Variants in SYTL2 observed in about 807,000 individuals in gnomAD.
The protein encoded by SYTL2 is synaptotagmin-like protein 2.
Under a neutral mutation model 198.7 loss-of-function variants are expected in SYTL2, and 165 were observed. The ratio of observed to expected loss-of-function variants is 0.83; its 90% confidence interval spans 0.73 to 0.94. The LOEUF (loss-of-function observed/expected upper bound fraction) is 0.94. Among genes scored for constraint, SYTL2 ranks in the 40% least tolerant of loss-of-function variants. The probability of loss-of-function intolerance (pLI) is 0.00; values close to 1 mark genes in which losing one functional copy is unlikely to be tolerated. For synonymous variants in SYTL2, 966 were observed against 917.7 expected, an observed-to-expected ratio of 1.05 and a Z score of -0.95; for missense variants, 2,835 against 2,582.8, an observed-to-expected ratio of 1.10 and a Z score of -2.12.
chr11:85,717,832 C>T, intron 10 of SYTL2: 1 of 428,052 alleles, frequency 2.3e-6, no homozygotes, highest in Non-Finnish European at 4.5e-6. Flanking sequence ...AGCTGAGATT[C>T]TATTTCCTGC....
At position 85,727,503 on chromosome 11, in the gene SYTL2, AC is replaced by A. The variant is rs1396846948; in HGVS notation, c.1854del (p.Leu618PhefsTer95). 4 of 1,535,814 alleles carry A rather than the reference AC, an allele frequency of 2.6e-6. No homozygotes were observed. Among genetic ancestry groups the A allele is most frequent in the Non-Finnish European group, 3.5e-6 (4 of 1,146,874 alleles). ...CCTTCCTTTGGGGTGCCTTTTTGGG[AC>A]AAATTCATGAATTTGGATTTGATAT... ...NVNIKSKFMNLSQKGTPKEGP... is the reference protein window; with the variant it reads ...NVNIKSKFMNXSQKGTPKEGP... On this transcript the variant is annotated frameshift_variant, in exon 8 of 20. Coordinates refer to ENST00000359152, the MANE Select transcript of SYTL2 (RefSeq NM_206927.4). LOFTEE classifies it high-confidence loss of function.
intron 1 of SYTL2, among the ~76,000 whole-genome samples, chr11:85,806,877 A>G (rs2153659836): frequency 6.6e-6 from 1 of 152,376 alleles, no homozygotes; most frequent in South Asian, 2.1e-4. Context: ...AGAAAGTGTG[A>G]CTAAACCCAG....
At position 85,727,011 on chromosome 11, in the gene SYTL2, G is replaced by T. The variant is rs1375190757; in HGVS notation, c.2347C>A (p.Gln783Lys). The T allele has an allele frequency of 9.1e-6, 14 of 1,536,396 alleles. No homozygotes were observed. The highest frequency in any genetic ancestry group is 1.2e-5 in the Non-Finnish European group (14 of 1,146,936). ...QQEAGEVPKN[Q>K]VQREKYKRVS... ...CTTTTGTATTTCTCTCTCTGCACTT[G>T]GTTCTTGGGAACCTCACCAGCTTCT... The change falls in exon 8 of 20, where the codon CAA becomes AAA. Residue 783 changes from glutamine (Q) to lysine (K), a missense_variant. By Grantham distance (53) the Gln-to-Lys change is moderately conservative. This residue lies in a region of SYTL2 where 2,645 missense variants were observed against 2,381.7 expected (regional missense o/e 1.11). Transcript: ENST00000359152.
the SYTL2 span, among the ~76,000 whole-genome samples, chr11:85,834,238 T>C: frequency 1.3e-5 from 2 of 152,192 alleles, no homozygotes; most frequent in African/African-American, 2.4e-5. Context: ...CTACTATTAA[T>C]AAAAAGTATA....
At chr11:85,750,365 C>G (rs184349483) in intron 2 of SYTL2, among the ~76,000 whole-genome samples, 9 of 152,198 alleles carry the variant, frequency 5.9e-5, no homozygotes, top group African/African-American at 2.2e-4. Flanking sequence ...ATGTCTTTCC[C>G]TCACTTCTCT....
In SYTL2 at chr11:85,707,837, C is replaced by T. The variant is rs7929199; in HGVS notation, c.5916-306G>A. On this transcript the variant is annotated intron_variant, in intron 14 of 19. Coordinates refer to ENST00000359152, the MANE Select transcript of SYTL2 (RefSeq NM_206927.4). ...AGAAAACACACTTCCAGGCCAGGCA[C>T]GGTGGCTCACACCTGTAATCCCAGC... Among the ~76,000 whole-genome samples, 458 of 150,504 alleles carry T rather than the reference C, an allele frequency of 3.0e-3. 2 individuals carry two copies. The highest frequency in any genetic ancestry group is 0.011 in the African/African-American group (434 of 40,940).
intron 1 of SYTL2, among the ~76,000 whole-genome samples, chr11:85,786,395 TG>T (rs2092636621): frequency 1.3e-5 from 2 of 152,156 alleles, no homozygotes; most frequent in Non-Finnish European, 1.5e-5. Flanking sequence ...CAGGCCCATA[TG>T]CACACACACA....
At chr11:85,765,062 A>T (rs931203477) in intron 1 of SYTL2, among the ~76,000 whole-genome samples, 2 of 152,200 alleles carry the variant, frequency 1.3e-5, no homozygotes, top group African/African-American at 4.8e-5. Flanking sequence ...AAATTACTCA[A>T]TGTAGTGGGT....
chr11:85,751,969 G>T (rs2091538724), intron 2 of SYTL2, among the ~76,000 whole-genome samples: 1 of 152,130 alleles, frequency 6.6e-6, no homozygotes, highest in Non-Finnish European at 1.5e-5. Context: ...TCCTTTTCAT[G>T]CCAAGAGTGT....
chr11:85,795,289 G>T (rs973493784), intron 1 of SYTL2, among the ~76,000 whole-genome samples: 2 of 151,918 alleles, frequency 1.3e-5, no homozygotes, highest in African/African-American at 4.8e-5. Flanking sequence ...TTTCTGAAAT[G>T]ATGATGGCCT....
At chr11:85,819,105 CT>C in the SYTL2 span, among the ~76,000 whole-genome samples, 1 of 152,104 alleles carries the variant, frequency 6.6e-6, no homozygotes, top group African/African-American at 2.4e-5. Flanking sequence ...TTAAATTTAC[CT>C]GTCATAATTT....
At chr11:85,721,862 G>A (rs952640745) in intron 8 of SYTL2, among the ~76,000 whole-genome samples, 1 of 152,070 alleles carries the variant, frequency 6.6e-6, no homozygotes, top group Non-Finnish European at 1.5e-5. Flanking sequence ...CCTTCTCTGT[G>A]CATAATGGCC....
At chr11:85,820,485 G>C in the SYTL2 span, among the ~76,000 whole-genome samples, 1 of 152,160 alleles carries the variant, frequency 6.6e-6, no homozygotes, top group African/African-American at 2.4e-5. Context: ...CATAGAAGCA[G>C]CATCAGCATC....
At chr11:85,698,751 C>T (rs1405911200) in intron 17 of SYTL2, among the ~76,000 whole-genome samples, 2 of 152,182 alleles carry the variant, frequency 1.3e-5, no homozygotes, top group African/African-American at 2.4e-5. Flanking sequence ...GTTGCCCAGG[C>T]TTGTCTTGAA....
intron 1 of SYTL2, among the ~76,000 whole-genome samples, chr11:85,795,599 T>A (rs112655766): frequency 3.3e-5 from 5 of 152,280 alleles, no homozygotes; most frequent in African/African-American, 1.2e-4. Context: ...AAAGAAAAAG[T>A]TACATAGGAA....
At chr11:85,765,323 G>A (rs1329519509) in intron 1 of SYTL2, among the ~76,000 whole-genome samples, 4 of 152,034 alleles carry the variant, frequency 2.6e-5, no homozygotes, top group Non-Finnish European at 4.4e-5. Context: ...TGCAACCGCC[G>A]CCTCCCAGGT....
chr11:85,812,786 G>A (rs1004638961), upstream of SYTL2, among the ~76,000 whole-genome samples: 2 of 151,542 alleles, frequency 1.3e-5, no homozygotes, highest in Non-Finnish European at 1.5e-5. Context: ...GGCAGATGTT[G>A]GAGGAGTGGC....
chr11:85,796,594 A>G (rs1431077799), intron 1 of SYTL2, among the ~76,000 whole-genome samples: 1 of 152,204 alleles, frequency 6.6e-6, no homozygotes, highest in African/African-American at 2.4e-5. Flanking sequence ...GAAGGCTTCA[A>G]CTTTCTCCTG....
At position 85,734,287 on chromosome 11, in the gene SYTL2, G is replaced by T; in HGVS notation, c.1042C>A (p.Leu348Ile). The T allele has an allele frequency of 6.2e-7, 1 of 1,614,142 alleles. No individual in the cohort carries two copies. The highest frequency in any genetic ancestry group is 8.5e-7 in the Non-Finnish European group (1 of 1,179,996). Residue 348 changes from leucine (L) to isoleucine (I), a missense_variant, in exon 7 of 20, where the codon CTA (leucine) becomes ATA (isoleucine). Physicochemically the swap from Leu to Ile is conservative, Grantham distance 5 (BLOSUM62 2). Coordinates refer to ENST00000359152, the MANE Select transcript of SYTL2 (RefSeq NM_206927.4). Reference protein sequence around the residue: ...VKDELPQSPGLIHGREVGEFS... With the variant: ...VKDELPQSPGIIHGREVGEFS... Reference sequence around the variant, plus strand: ...TCTCCTACTTCCCGACCATGGATTAGCCCAGGACTCTGTGGAAGCTCATCC... The same window carrying T: ...TCTCCTACTTCCCGACCATGGATTATCCCAGGACTCTGTGGAAGCTCATCC...
Sources: gnomAD v4.1 joint callset for allele counts (sites outside exome capture counted in the v4.1 genomes callset) on GRCh38, gnomAD v4.1.1 for gene constraint, gnomAD v4.1.1 regional missense constraint, MANE v1.5 for transcripts, NCBI Gene and HGNC (gene_info 2026-07-23, HGNC 2026-07-21) for gene names.